Variants in COL7A1 observed in about 807,000 individuals in gnomAD.
COL7A1 encodes the protein collagen alpha-1(VII) chain.
COL7A1 carries 296 observed loss-of-function variants against 456.2 expected under a neutral mutation model. That is an observed-to-expected ratio of 0.65 (90% CI 0.59 to 0.71). The LOEUF is 0.71. Ranked by LOEUF, COL7A1 falls within the 30% of genes least tolerant of loss-of-function variation. The pLI, the probability that COL7A1 is intolerant of heterozygous loss-of-function variation, is 0.00. For synonymous variants in COL7A1, 1,464 were observed against 1,525.9 expected, an observed-to-expected ratio of 0.96 and a Z score of 0.95; for missense variants, 3,441 against 4,017.2, an observed-to-expected ratio of 0.86 and a Z score of 3.88.
Position 48,595,285 on chromosome 3 carries a change from C to CCCG in COL7A1, c.-22_-20dup. ...GGTCTTGCCTGCGCGTCCGCCCGCT[C>CCCG]CCGCCGCCGCCGCTGCAGTCTCTCG... On this transcript the variant is annotated 5_prime_UTR_variant, in exon 1 of 119. Coordinates refer to ENST00000681320, the MANE Select transcript of COL7A1 (RefSeq NM_000094.4). 1 of 748,540 alleles carries CCCG rather than the reference C, an allele frequency of 1.3e-6. No individual in the cohort carries two copies. The highest frequency in any genetic ancestry group is 1.5e-5 in the South Asian group (1 of 66,864). 46.4% of individuals were successfully genotyped at this position (748,540 alleles called of 1,614,324 possible).
rs567658911 is a variant in COL7A1, at chr3:48,564,098, C to T, written c.*308G>A. 4 of 484,722 alleles carry T rather than the reference C, an allele frequency of 8.3e-6. No individual in the cohort carries two copies. The highest frequency in any genetic ancestry group is 6.5e-5 in the Admixed American group (2 of 30,578). The allele number at this position is 484,722 out of a possible 1,614,324, so 30.0% of individuals were successfully genotyped here. On this transcript the variant is annotated 3_prime_UTR_variant, in exon 119 of 119. Coordinates refer to ENST00000681320, the MANE Select transcript of COL7A1 (RefSeq NM_000094.4). This position sits in a 1 kb window ranked among gnomAD's most constrained non-coding sequence, Gnocchi z 6.0. The stretch of plus-strand genomic sequence containing the variant: ...GCCTTTTAAAACAGCAGCTTTAATG[C>T]CCCCCAGAATCAGCACCATGTCATC...
chr3:48,576,389 G>A lies in COL7A1; in HGVS notation c.5772+11C>T, dbSNP rs375161918. On this transcript the variant is annotated intron_variant, in intron 70 of 118. Coordinates refer to ENST00000681320, the MANE Select transcript of COL7A1 (RefSeq NM_000094.4). The stretch of plus-strand genomic sequence containing the variant: ...GGCTACCTGGGCATGTGGAAAAGGT[G>A]GGGGCCTCACCTGCTCCCCTTTGGA... 71 of 1,613,704 alleles carry A rather than the reference G, an allele frequency of 4.4e-5. No homozygotes were observed. The highest frequency in any genetic ancestry group is 5.8e-5 in the Non-Finnish European group (68 of 1,179,996).
rs541134659 is a variant in COL7A1, at chr3:48,586,488, A to C, written c.3404-10T>G. On this transcript the variant is annotated splice_polypyrimidine_tract_variant and intron_variant, in intron 26 of 118. Transcript: ENST00000681320. This position sits in a 1 kb window ranked among gnomAD's most constrained non-coding sequence, Gnocchi z 5.1. ...GTGACCACGGCTGTGCCTGGAAGGA[A>C]GGACATGTCAGAACCCTGGGGCACC... is the stretch of plus-strand genomic sequence containing the variant. 1.2e-6 allele frequency: 2 copies of C among 1,613,714 alleles called. No individual in the cohort carries two copies. Among genetic ancestry groups the C allele is most frequent in the South Asian group, 2.2e-5 (2 of 91,080 alleles).
Position 48,591,986 on chromosome 3 carries a change from CG to C in COL7A1, c.1268del (p.Pro423ArgfsTer44), listed in dbSNP as rs1411575929. On this transcript the variant is annotated frameshift_variant, in exon 11 of 119. Coordinates refer to ENST00000681320, the MANE Select transcript of COL7A1 (RefSeq NM_000094.4). LOFTEE classifies it high-confidence loss of function. This position sits in a 1 kb window ranked among gnomAD's most constrained non-coding sequence, Gnocchi z 7.0. ...TDASVEQTLRPVILGPTSILL... is the reference protein window; with the variant it reads ...TDASVEQTLRXVILGPTSILL... The stretch of plus-strand genomic sequence containing the variant: ...GGATGGATGTGGGGCCCAGGATGAC[CG>C]GGCGCAGGGTCTGCTCAACAGAAGC... 1 of 1,614,080 alleles carries C rather than the reference CG, an allele frequency of 6.2e-7. No homozygotes were observed. The highest frequency in any genetic ancestry group is 8.5e-7 in the Non-Finnish European group (1 of 1,180,050).
rs1392856912 is a variant in COL7A1 at position 48,568,335 on chromosome 3, C to T, written c.7794+164G>A. On this transcript the variant is annotated intron_variant, in intron 105 of 118. Coordinates refer to ENST00000681320, the MANE Select transcript of COL7A1 (RefSeq NM_000094.4). This position sits in a 1 kb window ranked among gnomAD's most constrained non-coding sequence, Gnocchi z 5.2. The stretch of plus-strand genomic sequence containing the variant: ...AAGGGTCACCATAGGCAGGGGACAC[C>T]ATCATAGGCGGCTACTGTGGAGGTG... The T allele has an allele frequency of 3.8e-6, 4 of 1,047,944 alleles. No individual in the cohort carries two copies. In the Admixed American group the frequency reaches 8.2e-5, roughly 21 times the overall value. 64.9% of individuals were successfully genotyped at this position (1,047,944 alleles called of 1,614,324 possible).
chr3:48,589,247 G>A (rs2045518839), intron 18 of COL7A1, 80 bp downstream of exon 18: 1 of 1,596,252 alleles, frequency 6.3e-7, no homozygotes, highest in African/African-American at 1.3e-5. Flanking sequence ...GGGGGGTGGA[G>A]GCAGCTGGGC....
In COL7A1 at chr3:48,578,300, AGCT is replaced by A; in HGVS notation, c.5532+18_5532+20del. 1 of 1,612,190 alleles carries A rather than the reference AGCT, an allele frequency of 6.2e-7. No individual in the cohort carries two copies. Among genetic ancestry groups the A allele is most frequent in the Non-Finnish European group, 8.5e-7 (1 of 1,180,006 alleles). ...GGCGTTTCTTGGCAGGTTTCGCCGC[AGCT>A]GCCCTGGACACACTCACGTTTTTTC... On this transcript the variant is annotated intron_variant, in intron 65 of 118. Coordinates refer to ENST00000681320, the MANE Select transcript of COL7A1 (RefSeq NM_000094.4). The surrounding 1 kb of genome is among the most constrained non-coding windows in gnomAD (Gnocchi z 4.7).
Position 48,573,334 on chromosome 3 carries a change from C to A in COL7A1, c.6633G>T (p.Glu2211Asp), listed in dbSNP as rs770153660. 1 of 1,614,024 alleles carries A rather than the reference C, an allele frequency of 6.2e-7. No homozygotes were observed. Among genetic ancestry groups the A allele is most frequent in the Admixed American group, 1.7e-5 (1 of 60,032 alleles). ...CACTCACCCGTCCTGGAGGTCCTGTCTCTCCAGGCTCCCCCTGCAAACAAC... is the reference window on the plus strand; with the variant it reads ...CACTCACCCGTCCTGGAGGTCCTGTATCTCCAGGCTCCCCCTGCAAACAAC... ...GPSGLKGEPG[E>D]TGPPGRGLTG... is the part of the protein sequence containing the mutation. The change falls in exon 84 of 119, where the codon GAG (glutamate) becomes GAT (aspartate). Residue 2211 changes from glutamate to aspartate, a missense_variant. Coordinates refer to ENST00000681320, the MANE Select transcript of COL7A1 (RefSeq NM_000094.4). The surrounding 1 kb of genome is among the most constrained non-coding windows in gnomAD (Gnocchi z 5.5).
chr3:48,588,149 T>C lies in COL7A1; in HGVS notation c.2710+133A>G. On this transcript the variant is annotated intron_variant, in intron 21 of 118. Coordinates refer to ENST00000681320, the MANE Select transcript of COL7A1 (RefSeq NM_000094.4). The surrounding 1 kb of genome is among the most constrained non-coding windows in gnomAD (Gnocchi z 4.6). The stretch of plus-strand genomic sequence containing the variant: ...TCCCACCCACTTCATTGATTGATCT[T>C]ACCTACTGTCACGGATCCCGCAGAC... 2.1e-6 allele frequency: 3 copies of C among 1,435,930 alleles called. No individual in the cohort carries two copies. The highest frequency in any genetic ancestry group is 2.9e-6 in the Non-Finnish European group (3 of 1,047,632). The allele number at this position is 1,435,930 out of a possible 1,614,324, so 88.9% of individuals were successfully genotyped here.
At chr3:48,589,850 A>G in intron 16 of COL7A1, 132 bp from the exon 17 acceptor site, 1 of 1,280,430 alleles carries the variant, frequency 7.8e-7, no homozygotes, top group South Asian at 1.2e-5. Context: ...GGTCCAGTGG[A>G]GGAGTGGGGA....
chr3:48,578,881 C>G lies in COL7A1; in HGVS notation c.5424+38G>C, dbSNP rs1273473758. On this transcript the variant is annotated intron_variant, in intron 63 of 118. Transcript: ENST00000681320. This position sits in a 1 kb window ranked among gnomAD's most constrained non-coding sequence, Gnocchi z 4.7. ...ATGATCTGGTTGGAGCTTACGCAGC[C>G]CCGAGCCCCCTCTGTCCCAGCATCT... 6.2e-7 allele frequency: 1 copy of G among 1,603,062 alleles called. No homozygotes were observed. The highest frequency in any genetic ancestry group is 1.1e-5 in the South Asian group (1 of 89,816).
In COL7A1 at chr3:48,568,402, T is replaced by A; in HGVS notation, c.7794+97A>T. 1 of 1,298,366 alleles carries A rather than the reference T, an allele frequency of 7.7e-7. No individual in the cohort carries two copies. The highest frequency in any genetic ancestry group is 2.3e-5 in the East Asian group (1 of 42,946). 80.4% of individuals were successfully genotyped at this position (1,298,366 alleles called of 1,614,324 possible). ...ATGAGGACACCATGAGAGCACTGGG[T>A]CACTATAAGGTCAAAAGCTACCACA... On this transcript the variant is annotated intron_variant, in intron 105 of 118. Coordinates refer to ENST00000681320, the MANE Select transcript of COL7A1 (RefSeq NM_000094.4). This position sits in a 1 kb window ranked among gnomAD's most constrained non-coding sequence, Gnocchi z 5.2.
In COL7A1 at chr3:48,565,209, TAGG is replaced by T. The variant is rs776644467; in HGVS notation, c.8528-11_8528-9del. ...CCTCAGGGGGTACCCGCTCTGCAGG[TAGG>T]GCAGGGTGTGCTGGGAGCAGTGGCT... On this transcript the variant is annotated splice_polypyrimidine_tract_variant and intron_variant, in intron 116 of 118. Transcript: ENST00000681320. This position sits in a 1 kb window ranked among gnomAD's most constrained non-coding sequence, Gnocchi z 4.5. The T allele has an allele frequency of 1.2e-6, 2 of 1,611,902 alleles. No homozygotes were observed. The highest frequency in any genetic ancestry group is 2.2e-5 in the East Asian group (1 of 44,870).
At chr3:48,582,758 T>C (rs1397212520) in intron 44 of COL7A1, 105 bp from the exon 45 acceptor site, 5 of 1,329,026 alleles carry the variant, frequency 3.8e-6, no homozygotes, top group Non-Finnish European at 2.1e-6. Flanking sequence ...CAGGGAAGAT[T>C]GGGATTTAGG....
At chr3:48,589,278 G>GAC in intron 18 of COL7A1, 49 bp downstream of exon 18, 1 of 1,610,380 alleles carries the variant, frequency 6.2e-7, no homozygotes, top group Non-Finnish European at 8.5e-7. Context: ...ACACAGCAGG[G>GAC]CAGGGTAGCT....
In COL7A1 at chr3:48,573,803, G is replaced by A; in HGVS notation, c.6537+52C>T. On this transcript the variant is annotated intron_variant, in intron 81 of 118. Transcript: ENST00000681320. This position sits in a 1 kb window ranked among gnomAD's most constrained non-coding sequence, Gnocchi z 5.5. The stretch of plus-strand genomic sequence containing the variant: ...GGAAACTGAGGCAGTACTGGTCACT[G>A]GGGCAGGGCACAGGATGGGGGCAAG... 1.2e-6 allele frequency: 2 copies of A among 1,613,984 alleles called. No individual in the cohort carries two copies. The highest frequency in any genetic ancestry group is 2.2e-5 in the South Asian group (2 of 91,064).
At position 48,583,571 on chromosome 3, in the gene COL7A1, C is replaced by T; in HGVS notation, c.4386G>A (p.Gly1462=). The T allele has an allele frequency of 6.2e-7, 1 of 1,614,054 alleles. No individual in the cohort carries two copies. Among genetic ancestry groups the T allele is most frequent in the Non-Finnish European group, 8.5e-7 (1 of 1,180,020 alleles). ...CTCCACTCACCTGCTCACCCGGAGA[C>T]CCAGGTTGTCCTGGGAGGCCTGGAG... The part of the protein sequence containing the change: ...DGAPGLPGQP[G]SPGEQGPRGP... Residue 1462 remains glycine, a synonymous_variant, in exon 41 of 119, where the codon GGG becomes GGA. Coordinates refer to ENST00000681320, the MANE Select transcript of COL7A1 (RefSeq NM_000094.4). The surrounding 1 kb of genome is among the most constrained non-coding windows in gnomAD (Gnocchi z 5.1).
chr3:48,574,746 G>T lies in COL7A1; in HGVS notation c.6349-25C>A, dbSNP rs2044172434. 6.2e-7 allele frequency: 1 copy of T among 1,613,980 alleles called. No homozygotes were observed. Among genetic ancestry groups the T allele is most frequent in the Admixed American group, 1.7e-5 (1 of 60,024 alleles). On this transcript the variant is annotated intron_variant, in intron 77 of 118. Transcript: ENST00000681320. The surrounding 1 kb of genome is among the most constrained non-coding windows in gnomAD (Gnocchi z 5.0). ...CCTGTGGGGATGAGATGTCAAGTCAGTCCCTAGTGCCATGGCAGAGGGTGG... is the reference window on the plus strand; with the variant it reads ...CCTGTGGGGATGAGATGTCAAGTCATTCCCTAGTGCCATGGCAGAGGGTGG...
In COL7A1 at chr3:48,568,755, C is replaced by CCTGGGA; in HGVS notation, c.7758+28_7758+29insTCCCAG. ...GTGTGATGCTGGCTCTGGACCTGGGCCTGGGCCTGGGCCTGGGGCAGAACT... is the reference window on the plus strand; with the variant it reads ...GTGTGATGCTGGCTCTGGACCTGGGCCTGGGACTGGGCCTGGGCCTGGGGCAGAACT... On this transcript the variant is annotated intron_variant, in intron 104 of 118. Transcript: ENST00000681320. This position sits in a 1 kb window ranked among gnomAD's most constrained non-coding sequence, Gnocchi z 5.2. 1 of 1,554,952 alleles carries CCTGGGA rather than the reference C, an allele frequency of 6.4e-7. No homozygotes were observed. The highest frequency in any genetic ancestry group is 8.7e-7 in the Non-Finnish European group (1 of 1,148,616).
Sources: allele counts gnomAD v4.1 joint callset, GRCh38; gene constraint gnomAD v4.1.1; non-coding constraint Gnocchi (gnomAD v3.1); transcripts MANE v1.5; gene names NCBI Gene and HGNC (gene_info 2026-07-23, HGNC 2026-07-21).